PRKG2: variants seen among roughly 807,000 people sequenced by gnomAD.
PRKG2 encodes the protein protein kinase cGMP-dependent 2.
In PRKG2, 33 loss-of-function variants were observed where a neutral mutation model predicts 97.2. The ratio of observed to expected loss-of-function variants is 0.34; its 90% CI spans 0.26 to 0.45. The LOEUF is 0.45. PRKG2 is among the 20% of genes least tolerant of loss of function. PRKG2 has a pLI of 1.00. For synonymous variants in PRKG2, 330 were observed against 321.8 expected, an observed-to-expected ratio of 1.03 and a Z score of -0.27; for missense variants, 638 against 900.0, an observed-to-expected ratio of 0.71 and a Z score of 3.73.
intron 2 of PRKG2, among the ~76,000 whole-genome samples, chr4:81,187,501 G>A (rs2110105977): frequency 6.6e-6 from 1 of 152,192 alleles, no homozygotes; most frequent in African/African-American, 2.4e-5. Context: ...CAAACCCACA[G>A]CTAATATCAT....
chr4:81,202,495 G>A (rs6535236), intron 2 of PRKG2, among the ~76,000 whole-genome samples: 10,429 of 152,164 alleles, frequency 0.069, 1,182 homozygotes, highest in African/African-American at 0.24. Context: ...GATGAGGATT[G>A]TTAGGGCATG....
intron 2 of PRKG2, among the ~76,000 whole-genome samples, chr4:81,192,449 A>G (rs1335993291): frequency 1.3e-5 from 2 of 152,164 alleles, no homozygotes; most frequent in African/African-American, 4.8e-5. Context: ...AAAAATATGT[A>G]TGACTTTGGA....
chr4:81,103,925 GGA>G (rs948984581), intron 17 of PRKG2, among the ~76,000 whole-genome samples: 19 of 152,222 alleles, frequency 1.2e-4, no homozygotes, highest in African/African-American at 4.6e-4. Context: ...CAGCTCCTCC[GGA>G]GGCTGAGGCA....
At chr4:81,102,352 A>G (rs966435570) in intron 17 of PRKG2, among the ~76,000 whole-genome samples, 2 of 152,226 alleles carry the variant, frequency 1.3e-5, no homozygotes, top group Non-Finnish European at 2.9e-5. Flanking sequence ...AGCTATGCCA[A>G]AGCATAACAT....
At chr4:81,183,795 G>A (rs1751635411) in intron 2 of PRKG2, among the ~76,000 whole-genome samples, 2 of 152,182 alleles carry the variant, frequency 1.3e-5, no homozygotes, top group East Asian at 1.9e-4. Flanking sequence ...TGGAACACTC[G>A]AGCTTAGTGG....
At chr4:81,158,897 G>A (rs986213878) in intron 6 of PRKG2, among the ~76,000 whole-genome samples, 2 of 150,732 alleles carry the variant, frequency 1.3e-5, no homozygotes, top group South Asian at 2.1e-4. Context: ...CTAGCCATAT[G>A]TAGAAAGCTG....
In PRKG2 at chr4:81,090,535, A is replaced by G. The variant is rs185931786; in HGVS notation, c.2194-732T>C. Among the ~76,000 whole-genome samples, 194 of 152,330 alleles carry G rather than the reference A, an allele frequency of 1.3e-3. 1 individual carries two copies. Among genetic ancestry groups the G allele is most frequent in the African/African-American group, 4.4e-3 (182 of 41,578 alleles). ...CAGAATGCCAAAAAAGGAACAATTC[A>G]AAATATTAGTGACCCTGTTGAGAGA... On this transcript the variant is annotated intron_variant, in intron 18 of 18. Transcript: ENST00000264399.
intron 17 of PRKG2, among the ~76,000 whole-genome samples, chr4:81,093,219 G>A (rs1431334340): frequency 6.6e-6 from 1 of 151,664 alleles, no homozygotes; most frequent in Non-Finnish European, 1.5e-5. Context: ...CCCACTTTAA[G>A]GCCTTTGTAC....
intron 1 of PRKG2, among the ~76,000 whole-genome samples, chr4:81,207,931 T>C (rs1046514015): frequency 6.6e-6 from 1 of 152,170 alleles, no homozygotes; most frequent in Non-Finnish European, 1.5e-5. Context: ...TAAGATAAGC[T>C]ATTTCTCAAA....
At chr4:81,213,842 G>C (rs1464177353) in intron 1 of PRKG2, among the ~76,000 whole-genome samples, 1 of 152,104 alleles carries the variant, frequency 6.6e-6, no homozygotes, top group Admixed American at 6.5e-5. Context: ...CATAGAACTG[G>C]AGTTAAGGAT....
intron 3 of PRKG2, among the ~76,000 whole-genome samples, chr4:81,174,511 A>G (rs1750754687): frequency 6.6e-6 from 1 of 152,054 alleles, no homozygotes; most frequent in African/African-American, 2.4e-5. Context: ...TGGAGAAAAT[A>G]GAACTTGCCT....
At chr4:81,203,740 A>C (rs532736851) in intron 2 of PRKG2, among the ~76,000 whole-genome samples, 130 of 152,148 alleles carry the variant, frequency 8.5e-4, no homozygotes, top group African/African-American at 3.0e-3. Flanking sequence ...ACACACACAC[A>C]CCCCTATACA....
In PRKG2 at chr4:81,153,639, G is replaced by A. The variant is rs572695202; in HGVS notation, c.990+5C>T. The A allele has an allele frequency of 1.4e-5, 22 of 1,567,444 alleles. No individual in the cohort carries two copies. In the South Asian group the frequency reaches 2.2e-4, roughly 16 times the overall value. On this transcript the variant is annotated splice_donor_5th_base_variant and intron_variant, in intron 7 of 18. Transcript: ENST00000264399. ...TTTATTTAGTAAGTTTTAATTAATA[G>A]TTACCTTTCCTTTTGCCAAAATGAA...
chr4:81,156,053 T>C (rs1372832838), intron 6 of PRKG2, among the ~76,000 whole-genome samples: 1 of 151,612 alleles, frequency 6.6e-6, no homozygotes, highest in East Asian at 1.9e-4. Context: ...AACATCATAA[T>C]GACAGGATCA....
rs1030697954 is a variant in PRKG2, at chr4:81,149,030, C to T, written c.1086-78G>A. On this transcript the variant is annotated intron_variant, in intron 8 of 18. Transcript: ENST00000264399. The stretch of plus-strand genomic sequence containing the variant: ...CCACTTTTATTAGGGAATGTACTAA[C>T]TTTGTATGAAAACACCACCATCACT... The T allele has an allele frequency of 4.3e-6, 6 of 1,387,460 alleles. No individual in the cohort carries two copies. The African/African-American group carries it at 8.6e-5, about 20-fold the overall frequency. 85.9% of individuals were successfully genotyped at this position (1,387,460 alleles called of 1,614,324 possible).
chr4:81,187,710 G>A lies in PRKG2; in HGVS notation c.462-12751C>T, dbSNP rs913015642. 3.3e-5 allele frequency among the ~76,000 whole-genome samples: 5 copies of A among 152,190 alleles called. 1 individual carries two copies. Among genetic ancestry groups the A allele is most frequent in the African/African-American group, 9.6e-5 (4 of 41,508 alleles). ...TGCAGATGACATGATTGTATATTTC[G>A]CAAACCCCATCGTCTCAGCCCAAAA... is the stretch of plus-strand genomic sequence containing the variant. On this transcript the variant is annotated intron_variant, in intron 2 of 18. Transcript: ENST00000264399.
intron 8 of PRKG2, among the ~76,000 whole-genome samples, chr4:81,150,313 T>C (rs1307197402): frequency 6.6e-6 from 1 of 152,198 alleles, no homozygotes; most frequent in African/African-American, 2.4e-5. Flanking sequence ...CAAATACACT[T>C]ATGTTTCTTC....
At chr4:81,168,437 C>A (rs1750181308) in intron 5 of PRKG2, among the ~76,000 whole-genome samples, 1 of 152,092 alleles carries the variant, frequency 6.6e-6, no homozygotes, top group Admixed American at 6.6e-5. Flanking sequence ...CCACTAAGAA[C>A]ATACTAGACT....
intron 18 of PRKG2, among the ~76,000 whole-genome samples, chr4:81,091,711 T>A (rs1463340471): frequency 6.6e-6 from 1 of 152,160 alleles, no homozygotes; most frequent in Non-Finnish European, 1.5e-5. Flanking sequence ...ATCTTTGCAA[T>A]CTTTTGGAAA....
Sources: allele counts gnomAD v4.1 joint callset (sites outside exome capture counted in the v4.1 genomes callset), GRCh38; gene constraint gnomAD v4.1.1; transcripts MANE v1.5; gene names NCBI Gene and HGNC (gene_info 2026-07-23, HGNC 2026-07-21).